HIPK2: variants seen among roughly 807,000 people sequenced by gnomAD.
HIPK2 encodes homeodomain interacting protein kinase 2.
A neutral mutation model predicts 113.7 loss-of-function variants in HIPK2; 27 were observed. That is an observed-to-expected ratio of 0.24 (90% CI 0.17 to 0.33). The LOEUF (loss-of-function observed/expected upper bound fraction) is 0.33. Among genes scored for constraint, HIPK2 ranks in the 10% least tolerant of loss-of-function variants. The pLI is 1.00. For synonymous variants in HIPK2, 631 were observed against 642.2 expected (o/e 0.98, Z 0.26); for missense variants, 1,257 against 1,588.0 (o/e 0.79, Z 3.54).
chr7:139,572,784 CCCT>C lies in HIPK2; in HGVS notation c.*140_*142del. ...CCTCTGCCCCCCCCCCCCCCCCCGCCCCTGCCCCGTTTGCATTGTTTGTGTGCG... is the reference window on the plus strand; with the variant it reads ...CCTCTGCCCCCCCCCCCCCCCCCGCCGCCCCGTTTGCATTGTTTGTGTGCG... On this transcript the variant is annotated 3_prime_UTR_variant, in exon 15 of 15. Coordinates refer to ENST00000406875, the MANE Select transcript of HIPK2 (RefSeq NM_022740.5). 5.7e-6 allele frequency: 1 copy of C among 176,466 alleles called. No individual in the cohort carries two copies. Among genetic ancestry groups the C allele is most frequent in the Non-Finnish European group, 1.2e-5 (1 of 86,650 alleles). The allele number at this position is 176,466 out of a possible 1,614,324, so 10.9% of individuals were successfully genotyped here. A position where few individuals can be genotyped will look rare whatever the true frequency, so the allele number is the denominator to read the frequency against.
chr7:139,589,896 GCCTA>G (rs1798960092), intron 12 of HIPK2, among the ~76,000 whole-genome samples: 1 of 152,182 alleles, frequency 6.6e-6, no homozygotes. Context: ...ATGCTGATTT[GCCTA>G]CCTTTTTGGA....
At chr7:139,742,023 C>T (rs771973597) in intron 1 of HIPK2, among the ~76,000 whole-genome samples, 5 of 152,158 alleles carry the variant, frequency 3.3e-5, no homozygotes, top group African/African-American at 4.8e-5. Context: ...GTCATGAGCT[C>T]GTAAAATCAG....
chr7:139,593,379 T>C lies in HIPK2; in HGVS notation c.2717+3338A>G, dbSNP rs149243562. Reference sequence around the variant, plus strand: ...TATGATTCTCCTGTCTTTAGCTCAGTGTCTCCCAGCATCTGCCTCCAACAT... The same window carrying C: ...TATGATTCTCCTGTCTTTAGCTCAGCGTCTCCCAGCATCTGCCTCCAACAT... On this transcript the variant is annotated intron_variant, in intron 12 of 14. Transcript: ENST00000406875. Among the ~76,000 whole-genome samples the C allele has an allele frequency of 4.5e-3, 688 of 152,366 alleles. 7 individuals carry two copies. The highest frequency in any genetic ancestry group is 0.016 in the African/African-American group (646 of 41,592).
chr7:139,687,927 A>C lies in HIPK2; in HGVS notation c.1103+28005T>G, dbSNP rs1180556549. Among the ~76,000 whole-genome samples, 3 of 152,206 alleles carry C rather than the reference A, an allele frequency of 2.0e-5. No homozygotes were observed. The East Asian group carries it at 5.8e-4, about 29-fold the overall frequency. ...GAAATTTCCCAGAGAGAAGGCAAAGATCCTTGGGAAGAACCAGATTCTAGG... is the reference window on the plus strand; with the variant it reads ...GAAATTTCCCAGAGAGAAGGCAAAGCTCCTTGGGAAGAACCAGATTCTAGG... On this transcript the variant is annotated intron_variant, in intron 2 of 14. Transcript: ENST00000406875.
intron 2 of HIPK2, among the ~76,000 whole-genome samples, chr7:139,672,971 G>C (rs1290635300): frequency 1.3e-5 from 2 of 152,002 alleles, no homozygotes; most frequent in African/African-American, 4.8e-5. Flanking sequence ...ATGCGAGCTG[G>C]AACAAAGCCC....
In HIPK2 at chr7:139,575,264, G is replaced by A. The variant is rs1315237503; in HGVS notation, c.2990C>T (p.Ser997Phe). The change falls in exon 14 of 15, where the codon TCC becomes TTC. Residue 997 changes from serine to phenylalanine, a missense_variant. Coordinates refer to ENST00000406875, the MANE Select transcript of HIPK2 (RefSeq NM_022740.5). ...GTTGCTGGAGGACTTGGACTTGTAG[G>A]AGGACGAGTGGTGACTGGTGTTGAC... is the stretch of plus-strand genomic sequence containing the variant. ...VPVNTSHHSSSYKSKSSSNVT... is the reference protein window; with the variant it reads ...VPVNTSHHSSFYKSKSSSNVT... The A allele has an allele frequency of 6.4e-7, 1 of 1,574,754 alleles. No homozygotes were observed. The highest frequency in any genetic ancestry group is 1.3e-5 in the African/African-American group (1 of 74,162).
Position 139,620,412 on chromosome 7 carries a change from C to G in HIPK2, c.1771G>C (p.Val591Leu), listed in dbSNP as rs1800194248. Reference protein sequence around the residue: ...TMTFNNQLTTVHNQAPSSTSA... With the variant: ...TMTFNNQLTTLHNQAPSSTSA... ...TGTTTCCCACTTACCTGGTTGTGGA[C>G]AGTGGTCAGCTGGTTGTTAAAGGTC... The change falls in exon 7 of 15, where the codon GTC becomes CTC. Residue 591 changes from valine (V) to leucine (L), a missense_variant. Physicochemically the swap from Val to Leu is conservative, Grantham distance 32. Transcript: ENST00000406875. 2 of 1,613,930 alleles carry G rather than the reference C, an allele frequency of 1.2e-6. No individual in the cohort carries two copies. Among genetic ancestry groups the G allele is most frequent in the South Asian group, 2.2e-5 (2 of 91,076 alleles).
intron 13 of HIPK2, chr7:139,583,444 A>C (rs1403953473): frequency 5.3e-6 from 1 of 188,750 alleles, no homozygotes; most frequent in Non-Finnish European, 1.1e-5. Flanking sequence ...CCATCTGACC[A>C]CCAGGGCTTC....
At chr7:139,732,518 T>C (rs1795820500) in intron 1 of HIPK2, among the ~76,000 whole-genome samples, 1 of 152,164 alleles carries the variant, frequency 6.6e-6, no homozygotes. Flanking sequence ...AGGATGGCAT[T>C]TGGTGATGTA....
rs1798024137 is a variant in HIPK2 at position 139,564,067 on chromosome 7, G to C, written c.*8860C>G. 1 of 397,590 alleles carries C rather than the reference G, an allele frequency of 2.5e-6. No individual in the cohort carries two copies. Among genetic ancestry groups the C allele is most frequent in the Non-Finnish European group, 4.4e-6 (1 of 225,990 alleles). The allele number at this position is 397,590 out of a possible 1,614,324, so 24.6% of individuals were successfully genotyped here. On this transcript the variant is annotated 3_prime_UTR_variant, in exon 15 of 15. Transcript: ENST00000406875. ...CAGGCTGAGCTGCCCCTCTGTCTCT[G>C]CCTCCTCCTGCTCAGCCCTGACCAT...
intron 13 of HIPK2, 36 bp downstream of exon 13, chr7:139,583,781 G>C: frequency 6.3e-7 from 1 of 1,595,174 alleles, no homozygotes; most frequent in Non-Finnish European, 8.5e-7. Flanking sequence ...CCACTCTCCA[G>C]GGAGAGGTTC....
At chr7:139,618,390 A>G (rs6467863) in intron 7 of HIPK2, among the ~76,000 whole-genome samples, 27,702 of 151,970 alleles carry the variant, frequency 0.18, 3,677 homozygotes, top group African/African-American at 0.38. Context: ...GCAAGAGAAC[A>G]GAAATCCTGT....
chr7:139,770,961 A>T (rs1300375429), intron 1 of HIPK2, among the ~76,000 whole-genome samples: 1 of 152,210 alleles, frequency 6.6e-6, no homozygotes, highest in East Asian at 1.9e-4. Context: ...TGATTTTACT[A>T]GCTTGCTTTC....
chr7:139,748,616 C>T (rs1444467423), intron 1 of HIPK2, among the ~76,000 whole-genome samples: 1 of 152,032 alleles, frequency 6.6e-6, no homozygotes, highest in African/African-American at 2.4e-5. Context: ...GTGTCTGTGT[C>T]TGAATTTCCC....
chr7:139,574,565 G>A (rs968972605), intron 14 of HIPK2, among the ~76,000 whole-genome samples: 1 of 152,178 alleles, frequency 6.6e-6, no homozygotes, highest in African/African-American at 2.4e-5. Context: ...TGTTTCTAGA[G>A]AAACAGGGCC....
At chr7:139,701,377 G>A (rs1405718626) in intron 2 of HIPK2, among the ~76,000 whole-genome samples, 1 of 152,224 alleles carries the variant, frequency 6.6e-6, no homozygotes, top group African/African-American at 2.4e-5. Flanking sequence ...TGCAGGACGT[G>A]AAGAGGCTGT....
chr7:139,578,298 G>T (rs981074223), intron 13 of HIPK2, among the ~76,000 whole-genome samples: 1 of 152,082 alleles, frequency 6.6e-6, no homozygotes, highest in African/African-American at 2.4e-5. Flanking sequence ...ATGAGCCACC[G>T]CGCCCAGCTG....
At chr7:139,713,006 G>A (rs1376579388) in intron 2 of HIPK2, among the ~76,000 whole-genome samples, 2 of 152,204 alleles carry the variant, frequency 1.3e-5, no homozygotes, top group East Asian at 1.9e-4. Context: ...ATGAGGGCCT[G>A]AAGGTGACCA....
At chr7:139,597,941 C>T (rs1799279948) in intron 11 of HIPK2, among the ~76,000 whole-genome samples, 3 of 152,264 alleles carry the variant, frequency 2.0e-5, no homozygotes, top group East Asian at 1.9e-4. Context: ...GGAATATTTG[C>T]ATATACATAA....
Sources: allele counts gnomAD v4.1 joint callset (sites outside exome capture counted in the v4.1 genomes callset), GRCh38; gene constraint gnomAD v4.1.1; transcripts MANE v1.5; gene names NCBI Gene and HGNC (gene_info 2026-07-23, HGNC 2026-07-21).